The following ADGRA3 variants were observed in gnomAD, a reference collection of about 807,000 sequenced individuals.
ADGRA3 encodes adhesion G protein-coupled receptor A3, also known as G-protein coupled receptor 125.
In ADGRA3, 56 loss-of-function variants were observed where a neutral mutation model predicts 119.8. That is an observed-to-expected ratio of 0.47 (90% CI 0.38 to 0.58). The LOEUF (loss-of-function observed/expected upper bound fraction) is 0.58, where lower values mean the gene tolerates loss of function less well. Ranked by LOEUF, ADGRA3 falls within the 20% of genes least tolerant of loss-of-function variation. The pLI is 0.00. For missense variants in ADGRA3, 1,516 were observed against 1,649.0 expected, an observed-to-expected ratio of 0.92 and a Z score of 1.40; for synonymous variants, 607 against 623.8, an observed-to-expected ratio of 0.97 and a Z score of 0.40.
chr4:22,448,878 T>G (rs896538570), intron 4 of ADGRA3, among the ~76,000 whole-genome samples: 1 of 152,204 alleles, frequency 6.6e-6, no homozygotes, highest in Admixed American at 6.5e-5. Flanking sequence ...AAGTCTTTTA[T>G]TTTTGGCCTA....
intron 1 of ADGRA3, among the ~76,000 whole-genome samples, chr4:22,496,102 C>G (rs142065553): frequency 2.0e-5 from 3 of 152,272 alleles, no homozygotes; most frequent in East Asian, 3.9e-4. Flanking sequence ...CAGAGTCACA[C>G]TTGAATCTCA....
chr4:22,508,659 T>C (rs1035480651), intron 1 of ADGRA3, among the ~76,000 whole-genome samples: 28 of 152,044 alleles, frequency 1.8e-4, no homozygotes, highest in Non-Finnish European at 3.7e-4. Flanking sequence ...TGCTCCTCTC[T>C]CCCTTGGCTG....
intron 1 of ADGRA3, among the ~76,000 whole-genome samples, chr4:22,485,210 T>C (rs1718396933): frequency 6.6e-6 from 1 of 152,142 alleles, no homozygotes. Flanking sequence ...GCCTCCTGAA[T>C]AGCTAGGATC....
intron 17 of ADGRA3, among the ~76,000 whole-genome samples, chr4:22,391,790 G>T (rs1250406408): frequency 1.3e-5 from 2 of 152,132 alleles, no homozygotes; most frequent in Non-Finnish European, 2.9e-5. Context: ...CATTCCTCAA[G>T]GTTTCCTCAG....
chr4:22,490,087 CA>C (rs1718570652), intron 1 of ADGRA3, among the ~76,000 whole-genome samples: 1 of 152,012 alleles, frequency 6.6e-6, no homozygotes, highest in African/African-American at 2.4e-5. Flanking sequence ...TTTCTATTTT[CA>C]ATTCTTTATT....
In ADGRA3 at chr4:22,388,912, A is replaced by T; in HGVS notation, c.2759T>A (p.Phe920Tyr). 1 of 1,614,122 alleles carries T rather than the reference A, an allele frequency of 6.2e-7. No individual in the cohort carries two copies. The highest frequency in any genetic ancestry group is 8.5e-7 in the Non-Finnish European group (1 of 1,179,982). ...AGTGATGAAGCTGGCTGGCCCATAG[A>T]AGGCTCCCAAGGAGGGTTCCCATGC... ...WMAWEPSLGA[F>Y]YGPASFITFV... Residue 920 changes from phenylalanine to tyrosine, a missense_variant, in exon 19 of 19, where the codon TTC (phenylalanine) becomes TAC (tyrosine). Physicochemically the swap from Phe to Tyr is conservative, Grantham distance 22 (BLOSUM62 3). This residue lies in a region of ADGRA3 where 1,088 missense variants were observed against 1,107.1 expected (regional missense o/e 0.98). Coordinates refer to ENST00000334304, the MANE Select transcript of ADGRA3 (RefSeq NM_145290.4).
intron 1 of ADGRA3, among the ~76,000 whole-genome samples, chr4:22,491,478 G>T (rs766987943): frequency 6.6e-6 from 1 of 152,174 alleles, no homozygotes; most frequent in Non-Finnish European, 1.5e-5. Context: ...TCTCAAGGGG[G>T]CCTCTACTTT....
chr4:22,493,267 C>T (rs1718695357), intron 1 of ADGRA3, among the ~76,000 whole-genome samples: 2 of 152,148 alleles, frequency 1.3e-5, no homozygotes, highest in Non-Finnish European at 2.9e-5. Context: ...TGCCCAGCCT[C>T]CACCTTTCCA....
intron 1 of ADGRA3, among the ~76,000 whole-genome samples, chr4:22,478,519 C>T (rs1368397408): frequency 6.6e-6 from 1 of 152,130 alleles, no homozygotes; most frequent in African/African-American, 2.4e-5. Context: ...GGGCATCAAC[C>T]ATTGTAGGGA....
In ADGRA3 at chr4:22,445,096, T is replaced by G; in HGVS notation, c.583A>C (p.Ile195Leu). The G allele has an allele frequency of 1.9e-6, 3 of 1,613,980 alleles. No homozygotes were observed. In the South Asian group the frequency reaches 3.3e-5, roughly 18 times the overall value. The change falls in exon 6 of 19, where the codon ATA becomes CTA. Residue 195 changes from isoleucine (I) to leucine (L), a missense_variant. Ile to Leu is a conservative substitution (Grantham distance 5, BLOSUM62 2). Transcript: ENST00000334304. ...TTTACCCAGCGATGCATCCACAGTA[T>G]GTTACAGTCACACAAAAGATACTCA... ...QTEYLLCDCN[I>L]LWMHRWVKEK... is the part of the protein sequence containing the mutation.
At position 22,387,879 on chromosome 4, in the gene ADGRA3, A is replaced by T; in HGVS notation, c.3792T>A (p.Asp1264Glu). ...EKPVSTTSKK[D>E]ALRKPAVVEL... is the part of the protein sequence containing the mutation. ...CAACCACAGCTGGCTTCCTTAACGC[A>T]TCTTTTTTACTAGTGGTTGAAACTG... The change falls in exon 19 of 19, where the codon GAT (aspartate) becomes GAA (glutamate). Residue 1264 changes from aspartate (D) to glutamate (E), a missense_variant. Around this residue, in one of 2 missense-constraint regions of ADGRA3, gnomAD observed 1,088 missense variants for 1,107.1 expected, o/e 0.98. Transcript: ENST00000334304. The T allele has an allele frequency of 6.2e-7, 1 of 1,614,138 alleles. No homozygotes were observed. Among genetic ancestry groups the T allele is most frequent in the Non-Finnish European group, 8.5e-7 (1 of 1,179,998 alleles).
chr4:22,482,147 T>A (rs1002963278), intron 1 of ADGRA3, among the ~76,000 whole-genome samples: 3 of 152,216 alleles, frequency 2.0e-5, no homozygotes, highest in Non-Finnish European at 4.4e-5. Flanking sequence ...TTGCCTTCAC[T>A]CTATTCACCT....
chr4:22,440,591 C>T, intron 7 of ADGRA3, among the ~76,000 whole-genome samples: 1 of 152,036 alleles, frequency 6.6e-6, no homozygotes, highest in Admixed American at 6.6e-5. Flanking sequence ...TTAGAATTAA[C>T]TTTTTTTGCA....
chr4:22,413,173 C>T lies in ADGRA3; in HGVS notation c.2232+9G>A, dbSNP rs774274235. 6.3e-7 allele frequency: 1 copy of T among 1,588,166 alleles called. No individual in the cohort carries two copies. The highest frequency in any genetic ancestry group is 8.6e-7 in the Non-Finnish European group (1 of 1,158,024). Reference sequence around the variant, plus strand: ...TAGTGTTTATGCATAAAGTTAACAACTGCCATACCATTAAAACTGCATAGT... The same window carrying T: ...TAGTGTTTATGCATAAAGTTAACAATTGCCATACCATTAAAACTGCATAGT... On this transcript the variant is annotated intron_variant, in intron 14 of 18. Transcript: ENST00000334304.
chr4:22,489,320 C>T (rs996706540), intron 1 of ADGRA3, among the ~76,000 whole-genome samples: 3 of 152,024 alleles, frequency 2.0e-5, no homozygotes, highest in Non-Finnish European at 2.9e-5. Context: ...ATTATGGGAG[C>T]TATACTTAAA....
chr4:22,496,879 C>T (rs1189586132), intron 1 of ADGRA3, among the ~76,000 whole-genome samples: 1 of 152,234 alleles, frequency 6.6e-6, no homozygotes, highest in Admixed American at 6.5e-5. Context: ...CCCCCCATAC[C>T]ATGCCCATGA....
rs1193001392 is a variant in ADGRA3 at position 22,506,889 on chromosome 4, T to C, written c.257+8639A>G. On this transcript the variant is annotated intron_variant, in intron 1 of 18. Coordinates refer to ENST00000334304, the MANE Select transcript of ADGRA3 (RefSeq NM_145290.4). ...TATATTGTTTTACATTAAAAACTTATTGAGCAAGTTTGCATTTATAGCTTC... is the reference window on the plus strand; with the variant it reads ...TATATTGTTTTACATTAAAAACTTACTGAGCAAGTTTGCATTTATAGCTTC... Among the ~76,000 whole-genome samples, 4 of 152,188 alleles carry C rather than the reference T, an allele frequency of 2.6e-5. No individual in the cohort carries two copies. In the East Asian group the frequency reaches 7.7e-4, roughly 29 times the overall value.
In ADGRA3 at chr4:22,515,754, C is replaced by T; in HGVS notation, c.31G>A (p.Ala11Thr). 3.9e-6 allele frequency: 4 copies of T among 1,025,598 alleles called. No individual in the cohort carries two copies. The highest frequency in any genetic ancestry group is 4.6e-6 in the Non-Finnish European group (4 of 860,874). 63.5% of individuals were successfully genotyped at this position (1,025,598 alleles called of 1,614,324 possible). A position where few individuals can be genotyped will look rare whatever the true frequency, so the allele number is the denominator to read the frequency against. The change falls in exon 1 of 19, where the codon GCG becomes ACG. Residue 11 changes from alanine to threonine, a missense_variant. Around this residue, in one of 2 missense-constraint regions of ADGRA3, gnomAD observed 428 missense variants for 541.9 expected, o/e 0.79. Transcript: ENST00000334304. ...AGCGGCAGCAACAGCGGCGGCTGCG[C>T]GCGGCCCCGCCGGCGTCCGGGTGGC... MEPPGRRRGR[A>T]QPPLLLPLSL...
chr4:22,469,413 T>C (rs376717830), intron 2 of ADGRA3, among the ~76,000 whole-genome samples: 12 of 152,340 alleles, frequency 7.9e-5, no homozygotes, highest in African/African-American at 1.2e-4. Flanking sequence ...AATCACTTCA[T>C]TGAATGAATG....
Sources: allele counts gnomAD v4.1 joint callset (sites outside exome capture counted in the v4.1 genomes callset), GRCh38; gene constraint gnomAD v4.1.1; regional missense constraint gnomAD v4.1.1; transcripts MANE v1.5; gene names NCBI Gene and HGNC (gene_info 2026-07-23, HGNC 2026-07-21).